The following TCP11 variants were observed in gnomAD, a reference collection of about 807,000 sequenced individuals.
TCP11 encodes T-complex protein 11 homolog.
In TCP11, 34 loss-of-function variants were observed where a neutral mutation model predicts 45.0. The observed-to-expected ratio is 0.76, with a 90% CI of 0.57 to 1.01. The LOEUF (loss-of-function observed/expected upper bound fraction) is 1.01. Among genes scored for constraint, TCP11 ranks in the 50% least tolerant of loss-of-function variants. The pLI is 0.00. For synonymous variants in TCP11, 227 were observed against 227.0 expected (o/e 1.00, Z 0.00); for missense variants, 523 against 598.1 (o/e 0.87, Z 1.31).
chr6:35,119,414 C>G (rs765627183), intron 8 of TCP11, 23 bp from the exon 9 acceptor site: 9 of 1,611,120 alleles, frequency 5.6e-6, no homozygotes, highest in Non-Finnish European at 7.6e-6. Flanking sequence ...AGAAAGTAAG[C>G]TGGCACCCAC....
rs764162164 is a variant in TCP11 at position 35,120,686 on chromosome 6, T to G, written c.716-40A>C. On this transcript the variant is annotated intron_variant, in intron 6 of 9. Transcript: ENST00000311875. The surrounding 1 kb of genome is among the most constrained non-coding windows in gnomAD (Gnocchi z 4.9). ...GGAGTGTGTAAGCATCTTTAGCATC[T>G]TCATCTCTGAGGCTTCAAGACCAAG... 8 of 1,576,120 alleles carry G rather than the reference T, an allele frequency of 5.1e-6. No individual in the cohort carries two copies. The African/African-American group carries it at 1.1e-4, about 21-fold the overall frequency.
chr6:35,140,811 G>A lies in TCP11; in HGVS notation c.60C>T (p.Ser20=), dbSNP rs747975003. 19 of 1,545,182 alleles carry A rather than the reference G, an allele frequency of 1.2e-5. No homozygotes were observed. Among genetic ancestry groups the A allele is most frequent in the East Asian group, 2.3e-5 (1 of 44,354 alleles). Residue 20 remains serine (S), a synonymous_variant, in exon 2 of 10, where the codon TCC becomes TCT. Transcript: ENST00000311875. ...GGGGTCCTGAGGTTTCGGGCTTACA[G>A]GACCTGCCCTCTGAGTCGCCAGGAT... The part of the protein sequence containing the change: ...PKYPGDSEGR[S]CKPETSGPPQ...
At chr6:35,139,515 T>C (rs370880883) in intron 2 of TCP11, among the ~76,000 whole-genome samples, 45 of 152,352 alleles carry the variant, frequency 3.0e-4, no homozygotes, top group African/African-American at 1.0e-3. Flanking sequence ...GTCTTTAGTT[T>C]CAGCCAAAAT....
chr6:35,140,956 G>A, intron 1 of TCP11, 72 bp from the exon 2 acceptor site: 1 of 1,463,542 alleles, frequency 6.8e-7, no homozygotes, highest in East Asian at 2.5e-5. Context: ...GGGTCCCTGG[G>A]GGCGGCGGGA....
chr6:35,135,884 G>A (rs73405745), intron 3 of TCP11, among the ~76,000 whole-genome samples: 2,471 of 152,262 alleles, frequency 0.016, 78 homozygotes, highest in African/African-American at 0.056. Flanking sequence ...ATTCCAACAA[G>A]TGTTGCTTTG....
At chr6:35,135,424 A>G (rs1780964487) in intron 3 of TCP11, among the ~76,000 whole-genome samples, 1 of 152,168 alleles carries the variant, frequency 6.6e-6, no homozygotes, top group Non-Finnish European at 1.5e-5. Context: ...AACTCATGAA[A>G]GACTATAAGC....
chr6:35,139,280 A>G lies in TCP11; in HGVS notation c.124+1467T>C, dbSNP rs549023017. 2.4e-4 allele frequency among the ~76,000 whole-genome samples: 36 copies of G among 152,278 alleles called. No homozygotes were observed. In the South Asian group the frequency reaches 7.5e-3, roughly 32 times the overall value. Reference sequence around the variant, plus strand: ...GCAATTTTAAAAGGCAGGAGGGGGAAATACAGGGAGAGAGAAAAAGCAATA... The same window carrying G: ...GCAATTTTAAAAGGCAGGAGGGGGAGATACAGGGAGAGAGAAAAAGCAATA... On this transcript the variant is annotated intron_variant, in intron 2 of 9. Coordinates refer to ENST00000311875, the MANE Select transcript of TCP11 (RefSeq NM_001370687.1).
Position 35,120,119 on chromosome 6 carries a change from C to A in TCP11, c.1115+40G>T. The A allele has an allele frequency of 1.3e-6, 2 of 1,597,436 alleles. No homozygotes were observed. Among genetic ancestry groups the A allele is most frequent in the South Asian group, 1.2e-5 (1 of 86,928 alleles). On this transcript the variant is annotated intron_variant, in intron 8 of 9. Transcript: ENST00000311875. This position sits in a 1 kb window ranked among gnomAD's most constrained non-coding sequence, Gnocchi z 4.9. ...TTACCTGCCTATGTTCTAAATACCA[C>A]ATATCACCTTCTACTCTAAAAAGTA... is the stretch of plus-strand genomic sequence containing the variant.
chr6:35,120,100 G>C lies in TCP11; in HGVS notation c.1115+59C>G. 2 of 1,563,062 alleles carry C rather than the reference G, an allele frequency of 1.3e-6. No homozygotes were observed. Among genetic ancestry groups the C allele is most frequent in the Non-Finnish European group, 1.7e-6 (2 of 1,150,168 alleles). The stretch of plus-strand genomic sequence containing the variant: ...GACAGTAAGCAATCGTTCATTACCT[G>C]CCTATGTTCTAAATACCACATATCA... On this transcript the variant is annotated intron_variant, in intron 8 of 9. Transcript: ENST00000311875. This position sits in a 1 kb window ranked among gnomAD's most constrained non-coding sequence, Gnocchi z 4.9.
chr6:35,118,239 C>A lies in TCP11; in HGVS notation c.*30G>T. 2 of 1,591,846 alleles carry A rather than the reference C, an allele frequency of 1.3e-6. No homozygotes were observed. The highest frequency in any genetic ancestry group is 2.2e-5 in the South Asian group (2 of 90,442). On this transcript the variant is annotated 3_prime_UTR_variant, in exon 10 of 10. Transcript: ENST00000311875. ...GAAGATGATGGGCCTCCTCTTGGGT[C>A]CAAGGTACCAGGGCTCTGAGCCGAC... is the stretch of plus-strand genomic sequence containing the variant.
At chr6:35,139,918 GATT>G (rs1781524130) in intron 2 of TCP11, 3 of 1,246,548 alleles carry the variant, frequency 2.4e-6, no homozygotes, top group Admixed American at 2.3e-5. Context: ...AAAGGAATTT[GATT>G]ATTCATTTTA....
chr6:35,133,382 T>C (rs1434818096), intron 3 of TCP11, among the ~76,000 whole-genome samples: 1 of 152,136 alleles, frequency 6.6e-6, no homozygotes, highest in Non-Finnish European at 1.5e-5. Context: ...GAGGTCTCAC[T>C]ATGTTGCCCA....
At chr6:35,134,322 A>G (rs961238441) in intron 3 of TCP11, among the ~76,000 whole-genome samples, 1 of 147,024 alleles carries the variant, frequency 6.8e-6, no homozygotes, top group African/African-American at 2.6e-5. Context: ...GAGTCTCAAA[A>G]CAGGCTGGAG....
chr6:35,140,401 A>G (rs953847681), intron 2 of TCP11: 17 of 529,106 alleles, frequency 3.2e-5, no homozygotes, highest in Non-Finnish European at 5.5e-5. Flanking sequence ...AGAAAACCCA[A>G]TTCCCGTCTG....
intron 1 of TCP11, 78 bp downstream of exon 1, chr6:35,141,126 AG>A (rs2127700847): frequency 7.6e-7 from 1 of 1,311,626 alleles, no homozygotes; most frequent in South Asian, 2.0e-5. Flanking sequence ...AAGCGTGGGA[AG>A]GCCCCTTCCT....
At chr6:35,134,273 C>CTTTTTTTTTTTTT (rs34368428) in intron 3 of TCP11, among the ~76,000 whole-genome samples, 5 of 105,106 alleles carry the variant, frequency 4.8e-5, no homozygotes, top group Non-Finnish European at 9.1e-5. Context: ...CACCCATAAG[C>CTTTTTTTTTTTTT]TTTTTTTTTT....
In TCP11 at chr6:35,120,360, A is replaced by G. The variant is rs1198252839; in HGVS notation, c.934-20T>C. ...CAGGGTCTGGGAACCAGGGAAGAAC[A>G]GGCTGTCAGGGGAAGTCCCGATGGA... On this transcript the variant is annotated intron_variant, in intron 7 of 9. Coordinates refer to ENST00000311875, the MANE Select transcript of TCP11 (RefSeq NM_001370687.1). The surrounding 1 kb of genome is among the most constrained non-coding windows in gnomAD (Gnocchi z 4.9). 3 of 1,607,632 alleles carry G rather than the reference A, an allele frequency of 1.9e-6. No individual in the cohort carries two copies. Among genetic ancestry groups the G allele is most frequent in the South Asian group, 1.1e-5 (1 of 90,476 alleles).
chr6:35,120,561 G>A lies in TCP11; in HGVS notation c.801C>T (p.Asp267=), dbSNP rs759106848. The A allele has an allele frequency of 6.2e-7, 1 of 1,613,976 alleles. No individual in the cohort carries two copies. The highest frequency in any genetic ancestry group is 8.5e-7 in the Non-Finnish European group (1 of 1,180,034). ...MSPPTCPDTS[D]SSSVAGPSPN... ...GAGAGGGGCCAGCCACACTGGAGGA[G>A]TCAGAAGTGTCTGGGCAAGTCGGAG... The change falls in exon 7 of 10, where the codon GAC becomes GAT. Residue 267 remains aspartate (D), a synonymous_variant. Transcript: ENST00000311875. This position sits in a 1 kb window ranked among gnomAD's most constrained non-coding sequence, Gnocchi z 4.9.
chr6:35,128,430 G>C (rs902488849), intron 4 of TCP11: 1 of 152,358 alleles, frequency 6.6e-6, no homozygotes, highest in South Asian at 2.1e-4. Context: ...CTAAGACAGA[G>C]TATTACATGA....
Sources: gnomAD v4.1 joint callset for allele counts (sites outside exome capture counted in the v4.1 genomes callset) on GRCh38, gnomAD v4.1.1 for gene constraint, Gnocchi (gnomAD v3.1) non-coding constraint, MANE v1.5 for transcripts, NCBI Gene and HGNC (gene_info 2026-07-23, HGNC 2026-07-21) for gene names.